MYO16: variants seen among roughly 807,000 people sequenced by gnomAD.
MYO16 encodes myosin XVI.
In MYO16, 94 loss-of-function variants were observed where a neutral mutation model predicts 205.3. The observed-to-expected ratio is 0.46, with a 90% CI of 0.39 to 0.54. MYO16 has a LOEUF of 0.54. MYO16 is among the 20% of genes least tolerant of loss of function. The pLI, the probability that MYO16 is intolerant of heterozygous loss-of-function variation, is 0.00. For synonymous variants in MYO16, 988 were observed against 954.0 expected, an observed-to-expected ratio of 1.04 and a Z score of -0.66; for missense variants, 2,315 against 2,387.5, an observed-to-expected ratio of 0.97 and a Z score of 0.63.
chr13:108,793,030 T>C (rs1037416591), intron 5 of MYO16, among the ~76,000 whole-genome samples: 4 of 152,150 alleles, frequency 2.6e-5, no homozygotes, highest in African/African-American at 9.7e-5. Flanking sequence ...GAACATAACA[T>C]CCCAGCACTT....
chr13:108,535,623 A>G, the MYO16 span, among the ~76,000 whole-genome samples: 1 of 152,194 alleles, frequency 6.6e-6, no homozygotes, highest in Non-Finnish European at 1.5e-5. Context: ...TCTGTGGAAA[A>G]TTTCATTCAT....
At position 108,874,273 on chromosome 13, in the gene MYO16, T is replaced by C. The variant is rs1879217552; in HGVS notation, c.1425+8031T>C. On this transcript the variant is annotated intron_variant, in intron 12 of 34. Coordinates refer to ENST00000457511, the MANE Select transcript of MYO16 (RefSeq NM_001198950.3). Reference sequence around the variant, plus strand: ...GGCAAATCTTAAAAAATTAGTAAGATTCTGATGAGCAGAAGAATGGACTAG... The same window carrying C: ...GGCAAATCTTAAAAAATTAGTAAGACTCTGATGAGCAGAAGAATGGACTAG... Among the ~76,000 whole-genome samples, 3 of 152,078 alleles carry C rather than the reference T, an allele frequency of 2.0e-5. No homozygotes were observed. The South Asian group carries it at 6.2e-4, about 32-fold the overall frequency.
At chr13:108,543,171 A>T in the MYO16 span, among the ~76,000 whole-genome samples, 2 of 152,300 alleles carry the variant, frequency 1.3e-5, no homozygotes, top group East Asian at 3.9e-4. Context: ...TTTTTAAGTG[A>T]GTAAAATAAA....
At chr13:108,916,324 T>C (rs962919704) in intron 16 of MYO16, among the ~76,000 whole-genome samples, 1 of 152,212 alleles carries the variant, frequency 6.6e-6, no homozygotes, top group Non-Finnish European at 1.5e-5. Context: ...TGTGTCTGTA[T>C]TGTATAGTGA....
intron 24 of MYO16, among the ~76,000 whole-genome samples, chr13:109,051,094 A>AG (rs1199486047): frequency 6.6e-6 from 1 of 152,214 alleles, no homozygotes; most frequent in African/African-American, 2.4e-5. Context: ...ATGTAAGTAT[A>AG]GATAACATAT....
At chr13:109,030,359 C>A (rs1471213348) in intron 23 of MYO16, among the ~76,000 whole-genome samples, 1 of 152,064 alleles carries the variant, frequency 6.6e-6, no homozygotes, top group Non-Finnish European at 1.5e-5. Context: ...ATATTTGCTG[C>A]AAATGATCAC....
In MYO16 at chr13:108,874,696, CATTATTATTATT is replaced by C. The variant is rs34831399; in HGVS notation, c.1426-8333_1426-8322del. On this transcript the variant is annotated intron_variant, in intron 12 of 34. Coordinates refer to ENST00000457511, the MANE Select transcript of MYO16 (RefSeq NM_001198950.3). ...CAGAGGCAGACAGTTTCATCATCAT[CATTATTATTATT>C]ATTATTATTATTATTATTATTATTA... Among the ~76,000 whole-genome samples, 37 of 106,848 alleles carry C rather than the reference CATTATTATTATT, an allele frequency of 3.5e-4. 2 individuals carry two copies. Among genetic ancestry groups the C allele is most frequent in the African/African-American group, 7.6e-4 (25 of 33,090 alleles). The allele number at this position is 106,848 out of a possible 152,430, so 70.1% of individuals were successfully genotyped here. A position where few individuals can be genotyped will look rare whatever the true frequency, so the allele number is the denominator to read the frequency against.
chr13:109,055,263 A>G lies in MYO16; in HGVS notation c.3130-127A>G. 1.1e-6 allele frequency: 1 copy of G among 939,258 alleles called. No homozygotes were observed. Among genetic ancestry groups the G allele is most frequent in the Non-Finnish European group, 1.6e-6 (1 of 623,622 alleles). 58.2% of individuals were successfully genotyped at this position (939,258 alleles called of 1,614,324 possible). A position where few individuals can be genotyped will look rare whatever the true frequency, so the allele number is the denominator to read the frequency against. ...AGTAAACATACACACACACACACAC[A>G]CACACACACACAGAGTAAATGCATA... On this transcript the variant is annotated intron_variant, in intron 26 of 34. Transcript: ENST00000457511. This position sits in a 1 kb window ranked among gnomAD's most constrained non-coding sequence, Gnocchi z 5.0.
intron 1 of MYO16, among the ~76,000 whole-genome samples, chr13:108,654,830 A>C (rs1335733250): frequency 1.3e-5 from 2 of 152,238 alleles, no homozygotes; most frequent in African/African-American, 4.8e-5. Context: ...TTTAGCAAAG[A>C]GAATGGTGGC....
intron 23 of MYO16, among the ~76,000 whole-genome samples, chr13:109,041,888 G>A (rs1886895429): frequency 6.7e-6 from 1 of 148,978 alleles, no homozygotes; most frequent in Admixed American, 6.7e-5. Context: ...CGAGACTAGA[G>A]TGTCACTCTG....
chr13:108,717,491 G>C (rs1406696437), intron 3 of MYO16, among the ~76,000 whole-genome samples: 1 of 151,826 alleles, frequency 6.6e-6, no homozygotes, highest in Non-Finnish European at 1.5e-5. Flanking sequence ...TTAGCCGGGC[G>C]TGGTGGTGGG....
chr13:109,103,869 C>T (rs1272213459), intron 28 of MYO16, among the ~76,000 whole-genome samples: 1 of 152,086 alleles, frequency 6.6e-6, no homozygotes, highest in African/African-American at 2.4e-5. Context: ...TTTGTAGTCG[C>T]ACATGAGGTA....
intron 4 of MYO16, among the ~76,000 whole-genome samples, chr13:108,769,113 G>A (rs1885875742): frequency 6.6e-6 from 1 of 152,194 alleles, no homozygotes; most frequent in South Asian, 2.1e-4. Context: ...CTATCAGTTA[G>A]TAAACATATG....
At chr13:108,736,635 T>C (rs1438866798) in intron 4 of MYO16, among the ~76,000 whole-genome samples, 2 of 152,240 alleles carry the variant, frequency 1.3e-5, no homozygotes, top group African/African-American at 4.8e-5. Context: ...GGCTGTTTTT[T>C]GGTTCCATAT....
chr13:109,076,594 C>G (rs1888113254), intron 27 of MYO16, among the ~76,000 whole-genome samples: 1 of 152,142 alleles, frequency 6.6e-6, no homozygotes, highest in Non-Finnish European at 1.5e-5. Context: ...TACATTCTTC[C>G]ATGCTCCATC....
intron 4 of MYO16, among the ~76,000 whole-genome samples, chr13:108,765,660 C>T (rs537312101): frequency 6.6e-6 from 1 of 152,258 alleles, no homozygotes; most frequent in East Asian, 1.9e-4. Context: ...ACGCTTTGCC[C>T]GGGGACCCAT....
chr13:108,503,014 G>A, the MYO16 span, among the ~76,000 whole-genome samples: 482 of 152,218 alleles, frequency 3.2e-3, 3 homozygotes, highest in Middle Eastern at 6.8e-3. Context: ...ATTTTATAGC[G>A]TGTAGAAACA....
intron 2 of MYO16, among the ~76,000 whole-genome samples, chr13:108,688,556 G>A (rs1161844350): frequency 6.6e-6 from 1 of 152,084 alleles, no homozygotes; most frequent in African/African-American, 2.4e-5. Context: ...GGTTGAGCTA[G>A]AGCTGCTCCA....
At chr13:108,640,223 C>T (rs1880440865) in intron 1 of MYO16, among the ~76,000 whole-genome samples, 1 of 152,182 alleles carries the variant, frequency 6.6e-6, no homozygotes, top group Non-Finnish European at 1.5e-5. Flanking sequence ...CAATCAACAG[C>T]TCGGGTAACA....
Sources: allele counts gnomAD v4.1 joint callset (sites outside exome capture counted in the v4.1 genomes callset), GRCh38; gene constraint gnomAD v4.1.1; non-coding constraint Gnocchi (gnomAD v3.1); transcripts MANE v1.5; gene names NCBI Gene and HGNC (gene_info 2026-07-23, HGNC 2026-07-21).